DNAJB6: variants seen among roughly 807,000 people sequenced by gnomAD.
The protein encoded by DNAJB6 is DnaJ heat shock protein family (Hsp40) member B6, also known as dnaJ homolog subfamily B member 6.
In DNAJB6, 16 loss-of-function variants were observed where a neutral mutation model predicts 42.7. That is an observed-to-expected ratio of 0.37 (90% CI 0.25 to 0.57). The LOEUF is 0.57. DNAJB6 is among the 20% of genes least tolerant of loss of function. The pLI, the probability that DNAJB6 is intolerant of heterozygous loss-of-function variation, is 0.74. For synonymous variants in DNAJB6, 170 were observed against 163.5 expected (o/e 1.04, Z -0.30); for missense variants, 347 against 416.8 (o/e 0.83, Z 1.46).
intron 8 of DNAJB6, among the ~76,000 whole-genome samples, chr7:157,392,789 T>G (rs1280764368): frequency 6.6e-6 from 1 of 152,168 alleles, no homozygotes; most frequent in East Asian, 1.9e-4. Flanking sequence ...ACATCCTGTT[T>G]TACGGACAGC....
At chr7:157,352,592 G>A (rs1416294864) in intron 1 of DNAJB6, among the ~76,000 whole-genome samples, 4 of 152,048 alleles carry the variant, frequency 2.6e-5, no homozygotes, top group Non-Finnish European at 5.9e-5. Flanking sequence ...CTGTGCTCAG[G>A]CGGCTGTCTG....
Position 157,351,492 on chromosome 7 carries a change from G to A in DNAJB6, c.-26-7055G>A, listed in dbSNP as rs1798971372. 2.6e-5 allele frequency among the ~76,000 whole-genome samples: 4 copies of A among 152,064 alleles called. No homozygotes were observed. The South Asian group carries it at 6.2e-4, about 24-fold the overall frequency. On this transcript the variant is annotated intron_variant, in intron 1 of 9. Coordinates refer to ENST00000262177, the MANE Select transcript of DNAJB6 (RefSeq NM_058246.4). ...AAAATACAAAAAAAAAATTGGCCAGGTGTGGTGGTGGATGCCTGTAGTCCC... is the reference window on the plus strand; with the variant it reads ...AAAATACAAAAAAAAAATTGGCCAGATGTGGTGGTGGATGCCTGTAGTCCC...
intron 5 of DNAJB6, among the ~76,000 whole-genome samples, chr7:157,373,582 C>T (rs143571381): frequency 6.6e-6 from 1 of 152,318 alleles, no homozygotes; most frequent in African/African-American, 2.4e-5. Flanking sequence ...AACTTCTGAC[C>T]TCAGGTCATC....
At chr7:157,388,346 A>G (rs990568115) in intron 8 of DNAJB6, among the ~76,000 whole-genome samples, 1 of 152,236 alleles carries the variant, frequency 6.6e-6, no homozygotes, top group African/African-American at 2.4e-5. Flanking sequence ...GAGCATTGAT[A>G]CCATCACTCA....
chr7:157,380,471 C>T (rs1800701835), intron 5 of DNAJB6: 1 of 152,124 alleles, frequency 6.6e-6, no homozygotes, highest in African/African-American at 2.4e-5. Flanking sequence ...TACCTATGAC[C>T]ATCTTACATT....
chr7:157,356,225 A>C (rs1026054180), intron 1 of DNAJB6, among the ~76,000 whole-genome samples: 2 of 152,238 alleles, frequency 1.3e-5, no homozygotes, highest in Admixed American at 6.5e-5. Context: ...TGCCACTGGC[A>C]TCACTGCCAA....
At chr7:157,398,158 C>T (rs922031241) in intron 8 of DNAJB6, among the ~76,000 whole-genome samples, 1 of 152,252 alleles carries the variant, frequency 6.6e-6, no homozygotes, top group African/African-American at 2.4e-5. Flanking sequence ...ACAGACAGCA[C>T]TGCCTTGCCA....
chr7:157,339,449 C>T (rs1293380391), intron 1 of DNAJB6, among the ~76,000 whole-genome samples: 6 of 151,914 alleles, frequency 3.9e-5, no homozygotes. Context: ...AAGCTTCCGC[C>T]ACCACAGCCG....
chr7:157,368,522 G>T (rs1453501132), intron 5 of DNAJB6: 1 of 152,444 alleles, frequency 6.6e-6, no homozygotes, highest in Non-Finnish European at 1.5e-5. Flanking sequence ...AGACAGTGCT[G>T]TTATAGCTGC....
At chr7:157,363,623 C>T (rs1799713310) in intron 3 of DNAJB6, among the ~76,000 whole-genome samples, 1 of 152,134 alleles carries the variant, frequency 6.6e-6, no homozygotes, top group Non-Finnish European at 1.5e-5. Flanking sequence ...TCATTCTGAC[C>T]TTGCTCACCC....
At chr7:157,343,360 A>G (rs1798517379) in intron 1 of DNAJB6, among the ~76,000 whole-genome samples, 1 of 152,066 alleles carries the variant, frequency 6.6e-6, no homozygotes, top group Non-Finnish European at 1.5e-5. Context: ...GGGGTTTGCC[A>G]TGTTGGCCGG....
chr7:157,366,693 T>C (rs1210235502), intron 4 of DNAJB6, 132 bp downstream of exon 4: 26 of 768,072 alleles, frequency 3.4e-5, no homozygotes, highest in Non-Finnish European at 5.6e-5. Context: ...GCGAACTAAA[T>C]TGGGGAGAGG....
At chr7:157,338,531 C>T (rs1405533169) in intron 1 of DNAJB6, among the ~76,000 whole-genome samples, 1 of 152,122 alleles carries the variant, frequency 6.6e-6, no homozygotes. Flanking sequence ...ACGGGGGTTT[C>T]ACCGTGTTGG....
chr7:157,367,124 G>A (rs1799882911), intron 4 of DNAJB6, among the ~76,000 whole-genome samples: 1 of 152,164 alleles, frequency 6.6e-6, no homozygotes, highest in Non-Finnish European at 1.5e-5. Context: ...GTTATATGCC[G>A]ATCACGGATT....
At chr7:157,374,466 T>G (rs1368509074) in intron 5 of DNAJB6, among the ~76,000 whole-genome samples, 3 of 151,972 alleles carry the variant, frequency 2.0e-5, no homozygotes, top group Non-Finnish European at 4.4e-5. Context: ...TTCATGTTGG[T>G]CAGGTTGGTC....
intron 2 of DNAJB6, among the ~76,000 whole-genome samples, chr7:157,361,449 G>A (rs1023540395): frequency 1.4e-4 from 21 of 152,140 alleles, no homozygotes; most frequent in African/African-American, 4.3e-4. Flanking sequence ...GAGCCACTGC[G>A]CCCGGCTGCT....
At chr7:157,341,618 C>A (rs916082687) in intron 1 of DNAJB6, among the ~76,000 whole-genome samples, 2 of 152,164 alleles carry the variant, frequency 1.3e-5, no homozygotes, top group African/African-American at 4.8e-5. Context: ...TGCTTATGAA[C>A]TGTGTACTAA....
intron 8 of DNAJB6, among the ~76,000 whole-genome samples, chr7:157,392,099 C>A (rs1393271470): frequency 5.9e-3 from 661 of 111,844 alleles, no homozygotes; most frequent in Non-Finnish European, 6.3e-3. Flanking sequence ...GACCCTGTCT[C>A]AAAAAAAAAA....
At chr7:157,369,571 T>G (rs1034162838) in intron 5 of DNAJB6, 2 of 338,016 alleles carry the variant, frequency 5.9e-6, no homozygotes, top group African/African-American at 4.4e-5. Flanking sequence ...CCATTATTAT[T>G]AAACAGGCCG....
Sources: allele counts gnomAD v4.1 joint callset (sites outside exome capture counted in the v4.1 genomes callset), GRCh38; gene constraint gnomAD v4.1.1; transcripts MANE v1.5; gene names NCBI Gene and HGNC (gene_info 2026-07-23, HGNC 2026-07-21).